PHACTR4: variants seen among roughly 807,000 people sequenced by gnomAD.
PHACTR4 encodes the protein protein phosphatase 1, regulatory subunit 124.
PHACTR4 carries 51 observed loss-of-function variants against 72.7 expected under a neutral mutation model. The ratio of observed to expected loss-of-function variants is 0.70; its 90% CI spans 0.56 to 0.89. The LOEUF (loss-of-function observed/expected upper bound fraction) is 0.89, where lower values mean the gene tolerates loss of function less well. Ranked by LOEUF, PHACTR4 falls within the 40% of genes least tolerant of loss-of-function variation. The probability of loss-of-function intolerance (pLI) is 0.00; values close to 1 mark genes in which losing one functional copy is unlikely to be tolerated. For synonymous variants in PHACTR4, 255 were observed against 302.5 expected (o/e 0.84, Z 1.63); for missense variants, 731 against 861.8 (o/e 0.85, Z 1.90).
At chr1:28,407,328 G>C in intron 1 of PHACTR4, 82 bp from the exon 2 acceptor site, 1 of 641,980 alleles carries the variant, frequency 1.6e-6, no homozygotes, top group African/African-American at 1.9e-5. Flanking sequence ...CAATGTTACT[G>C]AATTAGGATT....
At chr1:28,390,615 C>A (rs11247798) in intron 1 of PHACTR4, among the ~76,000 whole-genome samples, 58,503 of 151,110 alleles carry the variant, frequency 0.39, 12,966 homozygotes, top group African/African-American at 0.6. Flanking sequence ...CATGGTGATA[C>A]CCCTATCTCT....
At chr1:28,432,163 C>T (rs780762794) in intron 2 of PHACTR4, among the ~76,000 whole-genome samples, 5 of 151,934 alleles carry the variant, frequency 3.3e-5, no homozygotes, top group African/African-American at 1.2e-4. Flanking sequence ...GAGCCGAGAT[C>T]GTGCCACTGC....
chr1:28,471,700 A>G (rs1454623199), intron 6 of PHACTR4, among the ~76,000 whole-genome samples: 1 of 152,038 alleles, frequency 6.6e-6, no homozygotes, highest in Non-Finnish European at 1.5e-5. Context: ...TGGTGAAACT[A>G]TAGGAATATA....
chr1:28,409,819 T>C lies in PHACTR4; in HGVS notation c.16+2356T>C, dbSNP rs575523996. Reference sequence around the variant, plus strand: ...GCTTTTAACGACCTTAGATAATTTCTTTAGGACCTTGGCTTTCTTTCCCCC... The same window carrying C: ...GCTTTTAACGACCTTAGATAATTTCCTTAGGACCTTGGCTTTCTTTCCCCC... On this transcript the variant is annotated intron_variant, in intron 2 of 13. Transcript: ENST00000373839. Among the ~76,000 whole-genome samples the C allele has an allele frequency of 5.9e-5, 9 of 152,220 alleles. No individual in the cohort carries two copies. The South Asian group carries it at 1.9e-3, about 32-fold the overall frequency.
chr1:28,397,333 A>G (rs917784183), intron 1 of PHACTR4, among the ~76,000 whole-genome samples: 3 of 152,224 alleles, frequency 2.0e-5, no homozygotes, highest in African/African-American at 7.2e-5. Flanking sequence ...ATTATTCTGC[A>G]ATATTATCTT....
chr1:28,473,913 C>G lies in PHACTR4; in HGVS notation c.1183C>G (p.Pro395Ala). ...GCAGGAAGATCAGAAAAAGGAAGTC[C>G]CCAAGAGGATACTGGACCAGAACTT... ...PQQEDQKKEV[P>A]KRILDQNFGE... The change falls in exon 7 of 14, where the codon CCC becomes GCC. Residue 395 changes from proline (P) to alanine (A), a missense_variant. Pro to Ala is a conservative substitution (Grantham distance 27). This residue lies in a region of PHACTR4 where 621 missense variants were observed against 676.6 expected (regional missense o/e 0.92). Transcript: ENST00000373839. 1 of 1,614,100 alleles carries G rather than the reference C, an allele frequency of 6.2e-7. No homozygotes were observed. Among genetic ancestry groups the G allele is most frequent in the South Asian group, 1.1e-5 (1 of 91,086 alleles).
intron 2 of PHACTR4, among the ~76,000 whole-genome samples, chr1:28,432,370 TC>T (rs1656328872): frequency 1.7e-5 from 2 of 121,010 alleles, no homozygotes; most frequent in African/African-American, 6.6e-5. Context: ...TCTCTCTCTC[TC>T]TTTTTTTTTT....
chr1:28,430,389 G>A (rs372976227), intron 2 of PHACTR4, among the ~76,000 whole-genome samples: 2 of 152,112 alleles, frequency 1.3e-5, no homozygotes, highest in Non-Finnish European at 2.9e-5. Flanking sequence ...AATTCCTGGC[G>A]AAGGGAGCAA....
chr1:28,421,303 C>T (rs867292236), intron 2 of PHACTR4, among the ~76,000 whole-genome samples: 4 of 152,058 alleles, frequency 2.6e-5, no homozygotes, highest in Non-Finnish European at 4.4e-5. Context: ...TTGAGGCTTC[C>T]ATTGAATGAA....
At chr1:28,493,775 T>C (rs1291591941) in intron 13 of PHACTR4, among the ~76,000 whole-genome samples, 1 of 152,136 alleles carries the variant, frequency 6.6e-6, no homozygotes, top group Non-Finnish European at 1.5e-5. Flanking sequence ...TGTACCTTAC[T>C]CTCTCAGGTT....
intron 2 of PHACTR4, among the ~76,000 whole-genome samples, chr1:28,446,097 T>C (rs1178243276): frequency 6.6e-6 from 1 of 152,180 alleles, no homozygotes; most frequent in Non-Finnish European, 1.5e-5. Flanking sequence ...TAAAGACATT[T>C]CTCATACCTG....
intron 1 of PHACTR4, among the ~76,000 whole-genome samples, chr1:28,370,293 G>T (rs778624640): frequency 6.6e-6 from 1 of 152,174 alleles, no homozygotes; most frequent in East Asian, 1.9e-4. Flanking sequence ...GGGGGCTTCG[G>T]AGCCAGGCGG....
At chr1:28,422,631 A>G (rs1557803437) in intron 2 of PHACTR4, 2 of 152,210 alleles carry the variant, frequency 1.3e-5, no homozygotes, top group Admixed American at 6.5e-5. Flanking sequence ...AATTAGTTGT[A>G]AACCCCACTG....
intron 1 of PHACTR4, among the ~76,000 whole-genome samples, chr1:28,389,201 C>T (rs1398307615): frequency 6.6e-6 from 1 of 152,060 alleles, no homozygotes; most frequent in Non-Finnish European, 1.5e-5. Flanking sequence ...TCTGAATAGA[C>T]ATTTCTCAAA....
At chr1:28,469,101 A>C (rs1481429677) in intron 6 of PHACTR4, among the ~76,000 whole-genome samples, 4 of 152,226 alleles carry the variant, frequency 2.6e-5, no homozygotes, top group African/African-American at 9.6e-5. Context: ...TTTAATTTAA[A>C]GGACTCTCTT....
intron 2 of PHACTR4, among the ~76,000 whole-genome samples, chr1:28,430,028 CTT>C (rs1226890583): frequency 6.9e-6 from 1 of 144,866 alleles, no homozygotes. Flanking sequence ...CTTTCAGGTT[CTT>C]TTTTTTTTTT....
rs764697512 is a variant in PHACTR4, at chr1:28,466,550, C to T, written c.605C>T (p.Thr202Ile). Reference sequence around the variant, plus strand: ...GGCACGGCAAGGTTCATCATCTCCACCTCCATCACCACAGCACCCGCTGCC... The same window carrying T: ...GGCACGGCAAGGTTCATCATCTCCATCTCCATCACCACAGCACCCGCTGCC... Reference protein sequence around the residue: ...SGGTARFIISTSITTAPAATT... With the variant: ...SGGTARFIISISITTAPAATT... The change falls in exon 6 of 14, where the codon ACC (threonine) becomes ATC (isoleucine). Residue 202 changes from threonine (T) to isoleucine (I), a missense_variant. Thr to Ile is a moderately conservative substitution (Grantham distance 89, BLOSUM62 -1). This residue lies in a region of PHACTR4 where 621 missense variants were observed against 676.6 expected (regional missense o/e 0.92). Transcript: ENST00000373839. The T allele has an allele frequency of 3.7e-6, 6 of 1,614,028 alleles. No individual in the cohort carries two copies. Among genetic ancestry groups the T allele is most frequent in the Non-Finnish European group, 5.1e-6 (6 of 1,180,048 alleles).
chr1:28,414,380 ATTTTATTTTTTTAT>A (rs1421749258), intron 2 of PHACTR4, among the ~76,000 whole-genome samples: 1 of 82,932 alleles, frequency 1.2e-5, no homozygotes, highest in Non-Finnish European at 2.6e-5. Flanking sequence ...TTTCTTTTTC[ATTTTATTTTTTTAT>A]TTTTATTTTT....
intron 1 of PHACTR4, among the ~76,000 whole-genome samples, chr1:28,402,325 T>C (rs1654003788): frequency 6.6e-6 from 1 of 152,202 alleles, no homozygotes; most frequent in South Asian, 2.1e-4. Context: ...AGTAAGTTTA[T>C]GAAACTTCCT....
Sources: allele counts gnomAD v4.1 joint callset (sites outside exome capture counted in the v4.1 genomes callset), GRCh38; gene constraint gnomAD v4.1.1; regional missense constraint gnomAD v4.1.1; transcripts MANE v1.5; gene names NCBI Gene and HGNC (gene_info 2026-07-23, HGNC 2026-07-21).